The following PAPPA variants were observed in gnomAD, a reference collection of about 807,000 sequenced individuals.
PAPPA encodes pappalysin 1, also known as pappalysin-1.
A neutral mutation model predicts 164.0 loss-of-function variants in PAPPA; 60 were observed. That is an observed-to-expected ratio of 0.37 (90% CI 0.30 to 0.45). The LOEUF is 0.45. PAPPA is among the 20% of genes least tolerant of loss of function. PAPPA has a pLI of 1.00. For synonymous variants in PAPPA, 875 were observed against 814.1 expected (o/e 1.07, Z -1.27); for missense variants, 1,782 against 2,087.3 (o/e 0.85, Z 2.85).
intron 10 of PAPPA, among the ~76,000 whole-genome samples, chr9:116,325,789 A>G (rs13297332): frequency 1.3e-5 from 2 of 152,232 alleles, no homozygotes; most frequent in African/African-American, 2.4e-5. Context: ...ATGGTTCTAC[A>G]CAGCAAAAAA....
At chr9:116,291,916 G>A (rs985038813) in intron 9 of PAPPA, among the ~76,000 whole-genome samples, 10 of 152,096 alleles carry the variant, frequency 6.6e-5, no homozygotes, top group Non-Finnish European at 8.8e-5. Context: ...TTGCAGTGGG[G>A]ATGGAGGATT....
chr9:116,182,351 T>A (rs573623842), intron 1 of PAPPA, among the ~76,000 whole-genome samples: 1 of 152,312 alleles, frequency 6.6e-6, no homozygotes, highest in East Asian at 1.9e-4. Flanking sequence ...ATACCAGATT[T>A]TGGGTTGGAT....
At chr9:116,369,248 AC>A (rs1236305811) in intron 19 of PAPPA, among the ~76,000 whole-genome samples, 1 of 151,864 alleles carries the variant, frequency 6.6e-6, no homozygotes, top group Non-Finnish European at 1.5e-5. Context: ...CCATTCCTGA[AC>A]CAGAATTCCT....
In PAPPA at chr9:116,362,680, C is replaced by T. The variant is rs139800110; in HGVS notation, c.4436C>T (p.Ser1479Leu). The T allele has an allele frequency of 4.8e-5, 77 of 1,613,892 alleles. No individual in the cohort carries two copies. The East Asian group carries it at 7.6e-4, about 16-fold the overall frequency. The change falls in exon 18 of 22, where the codon TCG becomes TTG. Residue 1479 changes from serine to leucine, a missense_variant. Physicochemically the swap from Ser to Leu is moderately radical, Grantham distance 145. Around this residue, in one of 2 missense-constraint regions of PAPPA, gnomAD observed 1,324 missense variants for 1,656.9 expected, o/e 0.80. Coordinates refer to ENST00000328252, the MANE Select transcript of PAPPA (RefSeq NM_002581.5). The stretch of plus-strand genomic sequence containing the variant: ...TGCCAGGAGATGCAAGGCCAGTGCT[C>T]GGTTCCAAACGAGCTCAACAGCAAC... ...HVCQEMQGQC[S>L]VPNELNSNLK...
chr9:116,316,744 A>G (rs187348502), intron 10 of PAPPA, among the ~76,000 whole-genome samples: 114 of 152,334 alleles, frequency 7.5e-4, no homozygotes, highest in African/African-American at 2.6e-3. Context: ...TTAAAAACAT[A>G]AGTGACTGCT....
chr9:116,313,308 C>A (rs546163588), intron 10 of PAPPA, among the ~76,000 whole-genome samples: 27 of 152,238 alleles, frequency 1.8e-4, no homozygotes, highest in African/African-American at 6.3e-4. Flanking sequence ...CCCCAGAATC[C>A]TTTTCCAAAC....
intron 19 of PAPPA, among the ~76,000 whole-genome samples, chr9:116,377,010 C>CA (rs1039378989): frequency 4.6e-5 from 7 of 152,150 alleles, no homozygotes; most frequent in African/African-American, 1.7e-4. Flanking sequence ...GGCCTGGTCT[C>CA]AGAGAGTCCA....
At chr9:116,382,810 C>A (rs1234818065) in intron 21 of PAPPA, among the ~76,000 whole-genome samples, 1 of 151,878 alleles carries the variant, frequency 6.6e-6, no homozygotes, top group Admixed American at 6.6e-5. Context: ...TCAGAGAAGG[C>A]ACTCTAGAGC....
chr9:116,220,269 G>A (rs992532277), intron 5 of PAPPA, 140 bp downstream of exon 5: 37 of 538,396 alleles, frequency 6.9e-5, no homozygotes, highest in Admixed American at 3.5e-4. Flanking sequence ...CACCTAGCAT[G>A]TTGTAAATTT....
At chr9:116,302,498 G>T (rs948725542) in intron 9 of PAPPA, among the ~76,000 whole-genome samples, 11 of 151,880 alleles carry the variant, frequency 7.2e-5, no homozygotes, top group Non-Finnish European at 1.5e-4. Context: ...TCTGTGACTG[G>T]ATTATTTCCC....
chr9:116,398,202 C>A lies in PAPPA; in HGVS notation c.*1586C>A, dbSNP rs562843777. On this transcript the variant is annotated 3_prime_UTR_variant, in exon 22 of 22. Transcript: ENST00000328252. ...TTTTCAGCCAGGGACCTGTCCACTC[C>A]CTTTGAATTAATATGGGAAGAAATT... 1 of 161,730 alleles carries A rather than the reference C, an allele frequency of 6.2e-6. No homozygotes were observed. The highest frequency in any genetic ancestry group is 1.8e-4 in the East Asian group (1 of 5,520). The allele number at this position is 161,730 out of a possible 1,614,324, so 10.0% of individuals were successfully genotyped here.
chr9:116,368,576 C>G (rs1846532322), intron 19 of PAPPA, among the ~76,000 whole-genome samples: 1 of 152,232 alleles, frequency 6.6e-6, no homozygotes, highest in Non-Finnish European at 1.5e-5. Context: ...TTGTGTCACC[C>G]AATCAACTGG....
At chr9:116,289,121 CATATAT>C (rs200604980) in intron 9 of PAPPA, among the ~76,000 whole-genome samples, 58 of 17,864 alleles carry the variant, frequency 3.2e-3, no homozygotes, top group Middle Eastern at 0.031. Context: ...TATGCATATA[CATATAT>C]ATATATATAT....
chr9:116,375,690 C>T (rs574449633), intron 19 of PAPPA, among the ~76,000 whole-genome samples: 166 of 152,258 alleles, frequency 1.1e-3, no homozygotes, highest in Non-Finnish European at 1.4e-3. Context: ...CACCTGATTC[C>T]CTCTGTCACA....
intron 7 of PAPPA, among the ~76,000 whole-genome samples, chr9:116,252,487 G>C (rs1322601376): frequency 6.6e-6 from 1 of 152,166 alleles, no homozygotes; most frequent in Non-Finnish European, 1.5e-5. Context: ...TAATAAGGGG[G>C]CACCTGAAGT....
chr9:116,248,006 A>T (rs1309538376), intron 7 of PAPPA, among the ~76,000 whole-genome samples: 1 of 152,208 alleles, frequency 6.6e-6, no homozygotes, highest in Non-Finnish European at 1.5e-5. Context: ...CAATCTAGTG[A>T]ACTGTAAAGA....
chr9:116,328,438 T>C (rs970780413), intron 10 of PAPPA, among the ~76,000 whole-genome samples: 5 of 152,310 alleles, frequency 3.3e-5, no homozygotes, highest in African/African-American at 1.2e-4. Flanking sequence ...TTCTAGAGAT[T>C]TGAATAACTG....
At chr9:116,235,674 G>A (rs1168842763) in intron 7 of PAPPA, 37 bp downstream of exon 7, 8 of 1,608,896 alleles carry the variant, frequency 5.0e-6, no homozygotes, top group African/African-American at 1.3e-5. Flanking sequence ...TTATTAAGTG[G>A]GTGGGTTGTG....
intron 17 of PAPPA, among the ~76,000 whole-genome samples, chr9:116,362,134 G>A (rs952732553): frequency 2.6e-4 from 39 of 152,140 alleles, no homozygotes; most frequent in African/African-American, 9.4e-4. Flanking sequence ...ATTTATGACA[G>A]AGCCCTGACA....
Sources: allele counts gnomAD v4.1 joint callset (sites outside exome capture counted in the v4.1 genomes callset), GRCh38; gene constraint gnomAD v4.1.1; regional missense constraint gnomAD v4.1.1; transcripts MANE v1.5; gene names NCBI Gene and HGNC (gene_info 2026-07-23, HGNC 2026-07-21).